B3GAT2: variants seen among roughly 807,000 people sequenced by gnomAD.
The protein encoded by B3GAT2 is galactosylgalactosylxylosylprotein 3-beta-glucuronosyltransferase 2.
B3GAT2 carries 26 observed loss-of-function variants against 27.8 expected under a neutral mutation model. That is an observed-to-expected ratio of 0.93 (90% CI 0.68 to 1.30). B3GAT2 has a LOEUF of 1.30. Among genes scored for constraint, B3GAT2 ranks in the 50% most tolerant of loss-of-function variants. B3GAT2 has a pLI of 0.00. For missense variants in B3GAT2, 458 were observed against 459.0 expected, an observed-to-expected ratio of 1.00 and a Z score of 0.02; for synonymous variants, 218 against 195.1, an observed-to-expected ratio of 1.12 and a Z score of -0.98.
chr6:70,873,452 G>T (rs1242427040), intron 2 of B3GAT2, among the ~76,000 whole-genome samples: 1 of 150,460 alleles, frequency 6.6e-6, no homozygotes, highest in Non-Finnish European at 1.5e-5. Flanking sequence ...GCTTATTAAA[G>T]AGCCTTTGTT....
At chr6:70,873,702 A>G (rs981728899) in intron 2 of B3GAT2, among the ~76,000 whole-genome samples, 4 of 151,726 alleles carry the variant, frequency 2.6e-5, no homozygotes, top group Admixed American at 1.3e-4. Context: ...AGTATATGTG[A>G]ATAATAAGAC....
chr6:70,955,577 T>G (rs1440977267), intron 1 of B3GAT2, among the ~76,000 whole-genome samples: 3 of 151,952 alleles, frequency 2.0e-5, no homozygotes, highest in Non-Finnish European at 4.4e-5. Flanking sequence ...CTTGACACAA[T>G]CTCCACACAG....
At chr6:70,904,561 C>T (rs570939307) in intron 1 of B3GAT2, among the ~76,000 whole-genome samples, 3 of 152,184 alleles carry the variant, frequency 2.0e-5, no homozygotes, top group South Asian at 4.2e-4. Context: ...ACTGAAAGTA[C>T]GAGATAAGCC....
chr6:70,903,877 T>C (rs1284737655), intron 1 of B3GAT2, among the ~76,000 whole-genome samples: 1 of 152,096 alleles, frequency 6.6e-6, no homozygotes, highest in Non-Finnish European at 1.5e-5. Flanking sequence ...GCAATTCCTT[T>C]CCTAGGTATT....
intron 2 of B3GAT2, among the ~76,000 whole-genome samples, chr6:70,872,662 G>C (rs566614448): frequency 3.3e-5 from 5 of 150,792 alleles, no homozygotes; most frequent in Admixed American, 1.3e-4. Flanking sequence ...CTTTTGATTG[G>C]GTTTTTTATC....
intron 2 of B3GAT2, among the ~76,000 whole-genome samples, chr6:70,863,971 T>C (rs1176743598): frequency 1.3e-5 from 2 of 151,780 alleles, no homozygotes; most frequent in Non-Finnish European, 2.9e-5. Context: ...TTCAAATTGA[T>C]AACGTAGTGT....
chr6:70,876,424 A>G (rs1772014718), intron 2 of B3GAT2, among the ~76,000 whole-genome samples: 1 of 152,154 alleles, frequency 6.6e-6, no homozygotes, highest in South Asian at 2.1e-4. Flanking sequence ...AAGGCTTGTA[A>G]CTTGGAGGGC....
chr6:70,882,971 T>C (rs1259566241), intron 2 of B3GAT2, among the ~76,000 whole-genome samples: 1 of 152,170 alleles, frequency 6.6e-6, no homozygotes, highest in Non-Finnish European at 1.5e-5. Flanking sequence ...GAAGTACAAA[T>C]GGCCACGAAG....
Position 70,894,203 on chromosome 6 carries a change from G to C in B3GAT2, c.661C>G (p.Leu221Val), listed in dbSNP as rs1481905460. 4 of 1,613,804 alleles carry C rather than the reference G, an allele frequency of 2.5e-6. No individual in the cohort carries two copies. The highest frequency in any genetic ancestry group is 3.3e-5 in the Admixed American group (2 of 59,996). The change falls in exon 2 of 4, where the codon CTG becomes GTG. Residue 221 changes from leucine (L) to valine (V), a missense_variant. Coordinates refer to ENST00000230053, the MANE Select transcript of B3GAT2 (RefSeq NM_080742.3). The part of the protein sequence containing the change: ...LVGGRRYERP[L>V]VENGKVVGWY... ...CCAACAACTTTGCCGTTTTCCACCA[G>C]CGGACGTTCGTAGCGCCGCCCACCA...
At chr6:70,915,565 CTTGAG>C (rs1772758943) in intron 1 of B3GAT2, among the ~76,000 whole-genome samples, 1 of 152,162 alleles carries the variant, frequency 6.6e-6, no homozygotes, top group Non-Finnish European at 1.5e-5. Flanking sequence ...TTTTATCCAT[CTTGAG>C]TTAATTTTTG....
At chr6:70,882,466 A>G (rs1772114942) in intron 2 of B3GAT2, among the ~76,000 whole-genome samples, 2 of 152,156 alleles carry the variant, frequency 1.3e-5, no homozygotes, top group Admixed American at 1.3e-4. Context: ...ATGCCACTGC[A>G]CTCCAGCCTG....
At position 70,953,993 on chromosome 6, in the gene B3GAT2, T is replaced by C. The variant is rs368032123; in HGVS notation, c.591+1846A>G. 1.8e-4 allele frequency among the ~76,000 whole-genome samples: 27 copies of C among 152,334 alleles called. No homozygotes were observed. In the East Asian group the frequency reaches 5.0e-3, roughly 28 times the overall value. On this transcript the variant is annotated intron_variant, in intron 1 of 3. Transcript: ENST00000230053. ...TGCGTGTGCCAATTCTTCTAACACC[T>C]CACACCAAGAGGCTAGAAGCTCGGA...
At chr6:70,936,094 G>A (rs1453381642) in intron 1 of B3GAT2, among the ~76,000 whole-genome samples, 2 of 151,516 alleles carry the variant, frequency 1.3e-5, no homozygotes, top group African/African-American at 4.9e-5. Context: ...AAAGGCAGGG[G>A]TTGCAATCCT....
chr6:70,892,816 C>A (rs78185032), intron 2 of B3GAT2, among the ~76,000 whole-genome samples: 3 of 152,218 alleles, frequency 2.0e-5, no homozygotes, highest in African/African-American at 7.2e-5. Context: ...CAGGGCCATG[C>A]ACTCTGAGCG....
At chr6:70,917,684 A>G (rs1772796593) in intron 1 of B3GAT2, among the ~76,000 whole-genome samples, 1 of 152,196 alleles carries the variant, frequency 6.6e-6, no homozygotes, top group Non-Finnish European at 1.5e-5. Flanking sequence ...CAGGTTGTTC[A>G]GTTTCCATGC....
chr6:70,930,662 C>A (rs991620095), intron 1 of B3GAT2, among the ~76,000 whole-genome samples: 1 of 152,062 alleles, frequency 6.6e-6, no homozygotes, highest in Non-Finnish European at 1.5e-5. Flanking sequence ...GTTAGAATGG[C>A]GATCATTAAA....
At position 70,860,194 on chromosome 6, in the gene B3GAT2, T is replaced by G; in HGVS notation, c.*1469A>C. The G allele has an allele frequency of 6.2e-7, 1 of 1,603,476 alleles. No individual in the cohort carries two copies. The highest frequency in any genetic ancestry group is 8.5e-7 in the Non-Finnish European group (1 of 1,176,184). ...TCTTGAACTAAGCCTTTTATATGTTTCACAGATGAATCAGCAGATGGCTGG... is the reference window on the plus strand; with the variant it reads ...TCTTGAACTAAGCCTTTTATATGTTGCACAGATGAATCAGCAGATGGCTGG... On this transcript the variant is annotated 3_prime_UTR_variant, in exon 4 of 4. Coordinates refer to ENST00000230053, the MANE Select transcript of B3GAT2 (RefSeq NM_080742.3).
chr6:70,902,804 C>G (rs906818227), intron 1 of B3GAT2, among the ~76,000 whole-genome samples: 3 of 151,834 alleles, frequency 2.0e-5, no homozygotes, highest in Non-Finnish European at 4.4e-5. Flanking sequence ...AACACAAATA[C>G]CAATGGTCTC....
In B3GAT2 at chr6:70,860,034, C is replaced by CAAAGT. The variant is rs764774474; in HGVS notation, c.*1624_*1628dup. On this transcript the variant is annotated 3_prime_UTR_variant, in exon 4 of 4. Coordinates refer to ENST00000230053, the MANE Select transcript of B3GAT2 (RefSeq NM_080742.3). ...TCTAGAAAGTAGATAAAGAAGGGAA[C>CAAAGT]AAAGTAGCTATTTGCTTTAAGAAAT... 11 of 654,770 alleles carry CAAAGT rather than the reference C, an allele frequency of 1.7e-5. No homozygotes were observed. The South Asian group carries it at 1.7e-4, about 10-fold the overall frequency. The allele number at this position is 654,770 out of a possible 1,614,324, so 40.6% of individuals were successfully genotyped here. A position where few individuals can be genotyped will look rare whatever the true frequency, so the allele number is the denominator to read the frequency against.
Sources: allele counts gnomAD v4.1 joint callset (sites outside exome capture counted in the v4.1 genomes callset), GRCh38; gene constraint gnomAD v4.1.1; transcripts MANE v1.5; gene names NCBI Gene and HGNC (gene_info 2026-07-23, HGNC 2026-07-21).